Variants in TEX36 observed in about 807,000 individuals in gnomAD.
TEX36 encodes testis-expressed protein 36.
A neutral mutation model predicts 13.6 loss-of-function variants in TEX36; 12 were observed. The observed-to-expected ratio is 0.88, with a 90% CI of 0.56 to 1.43. The LOEUF is 1.43. TEX36 is among the 40% of genes most tolerant of loss of function. The pLI is 0.00. For synonymous variants in TEX36, 93 were observed against 83.0 expected (o/e 1.12, Z -0.65); for missense variants, 224 against 228.3 (o/e 0.98, Z 0.12).
chr10:125,649,172 T>A (rs140589641), intron 3 of TEX36, among the ~76,000 whole-genome samples: 1 of 152,080 alleles, frequency 6.6e-6, no homozygotes, highest in Admixed American at 6.5e-5. Flanking sequence ...AAGATACTCC[T>A]CGAGAAGTGC....
intron 3 of TEX36, among the ~76,000 whole-genome samples, chr10:125,607,331 C>T (rs1565172961): frequency 6.6e-6 from 1 of 152,200 alleles, no homozygotes; most frequent in East Asian, 1.9e-4. Flanking sequence ...ATTTATGAGG[C>T]TGGTTGGTTT....
chr10:125,668,166 G>A (rs2133603409), intron 1 of TEX36, among the ~76,000 whole-genome samples: 1 of 152,252 alleles, frequency 6.6e-6, no homozygotes, highest in Non-Finnish European at 1.5e-5. Flanking sequence ...TCAGTGTGAT[G>A]CTGGTTGGCC....
chr10:125,612,464 G>T (rs1846302877), intron 3 of TEX36, among the ~76,000 whole-genome samples: 1 of 151,984 alleles, frequency 6.6e-6, no homozygotes. Flanking sequence ...CTTTCTATCA[G>T]CCCCCACCTG....
rs528088304 is a variant in TEX36 at position 125,656,447 on chromosome 10, A to G, written c.265-251T>C. ...AAGTTTTTGTATTTTTAGTAGAGAC[A>G]GGGTTTTGCCATGTTGCCCAGGTTG... On this transcript the variant is annotated intron_variant, in intron 3 of 3. Transcript: ENST00000368821. 9.9e-5 allele frequency among the ~76,000 whole-genome samples: 15 copies of G among 151,668 alleles called. No homozygotes were observed. The South Asian group carries it at 2.7e-3, about 28-fold the overall frequency.
At chr10:125,656,303 C>A in intron 3 of TEX36, 107 bp from the exon 4 acceptor site, 1 of 1,114,540 alleles carries the variant, frequency 9.0e-7, no homozygotes, top group South Asian at 2.1e-5. Flanking sequence ...GTCACCCAGG[C>A]CAGAGTTCAG....
At chr10:125,678,531 T>C (rs1486615819) in intron 1 of TEX36, among the ~76,000 whole-genome samples, 1 of 152,110 alleles carries the variant, frequency 6.6e-6, no homozygotes, top group Non-Finnish European at 1.5e-5. Context: ...ATACTAGTAG[T>C]GGCAGCAATG....
At chr10:125,670,139 T>A (rs971720676) in intron 1 of TEX36, among the ~76,000 whole-genome samples, 6 of 152,226 alleles carry the variant, frequency 3.9e-5, no homozygotes, top group African/African-American at 1.4e-4. Context: ...TCAAATGGTA[T>A]TTCTGGTTCT....
intron 3 of TEX36, among the ~76,000 whole-genome samples, chr10:125,611,542 C>A (rs1846289957): frequency 6.6e-6 from 1 of 152,020 alleles, no homozygotes; most frequent in Admixed American, 6.6e-5. Context: ...GTTCTAAGCC[C>A]GTTTTTTATT....
At chr10:125,645,036 C>T (rs766162540) in intron 3 of TEX36, among the ~76,000 whole-genome samples, 7 of 152,142 alleles carry the variant, frequency 4.6e-5, no homozygotes, top group Non-Finnish European at 8.8e-5. Context: ...CTGAATTGTG[C>T]CACAACCACA....
rs531134815 is a variant in TEX36 at position 125,643,540 on chromosome 10, G to A, written c.264+17481C>T. On this transcript the variant is annotated intron_variant, in intron 3 of 3. Coordinates refer to the TEX36 transcript ENST00000526819. ...GGGCGGATCACGAGGTCAGGAGATT[G>A]AGACCATCTGGTTAACAAAGTGAAA... Among the ~76,000 whole-genome samples, 4 of 152,204 alleles carry A rather than the reference G, an allele frequency of 2.6e-5. No homozygotes were observed. In the South Asian group the frequency reaches 8.3e-4, roughly 32 times the overall value.
chr10:125,591,249 C>G lies in TEX36; in HGVS notation c.265-14375G>C, dbSNP rs12571171. 3.7e-3 allele frequency among the ~76,000 whole-genome samples: 561 copies of G among 152,296 alleles called. 28 individuals are homozygous for G. The East Asian group carries it at 0.091, about 25-fold the overall frequency. On this transcript the variant is annotated intron_variant, in intron 3 of 3. Transcript: ENST00000532135. Reference sequence around the variant, plus strand: ...GCCTATCTGGGAAGCATTCAATGAGCGTTTGATGTCATCTATATTATTTTA... The same window carrying G: ...GCCTATCTGGGAAGCATTCAATGAGGGTTTGATGTCATCTATATTATTTTA...
intron 3 of TEX36, among the ~76,000 whole-genome samples, chr10:125,608,699 G>A (rs1846248023): frequency 6.6e-6 from 1 of 152,238 alleles, no homozygotes; most frequent in Non-Finnish European, 1.5e-5. Flanking sequence ...CCAGCACTAG[G>A]GATGCAGAAG....
At chr10:125,661,134 C>T in intron 2 of TEX36, 33 bp from the exon 3 acceptor site, 1 of 1,501,906 alleles carries the variant, frequency 6.7e-7, no homozygotes, top group Non-Finnish European at 9.1e-7. Flanking sequence ...AAAGAGCACA[C>T]ATTAGAACCC....
intron 1 of TEX36, among the ~76,000 whole-genome samples, chr10:125,675,280 A>T (rs1847293937): frequency 6.6e-6 from 1 of 152,152 alleles, no homozygotes; most frequent in Non-Finnish European, 1.5e-5. Flanking sequence ...AGCAGGGTAA[A>T]AATGGCAGAC....
intron 3 of TEX36, among the ~76,000 whole-genome samples, chr10:125,616,029 G>A (rs1449081806): frequency 1.3e-5 from 2 of 152,130 alleles, no homozygotes; most frequent in Non-Finnish European, 2.9e-5. Flanking sequence ...TATGTGTTGA[G>A]GAATTTATCC....
At chr10:125,631,589 A>G (rs1846555039) in intron 3 of TEX36, among the ~76,000 whole-genome samples, 1 of 152,214 alleles carries the variant, frequency 6.6e-6, no homozygotes, top group Non-Finnish European at 1.5e-5. Flanking sequence ...GACCAGGGGC[A>G]GCGTTGGGAT....
intron 1 of TEX36, among the ~76,000 whole-genome samples, chr10:125,682,026 C>T (rs1847403113): frequency 6.6e-6 from 1 of 152,160 alleles, no homozygotes; most frequent in Non-Finnish European, 1.5e-5. Flanking sequence ...CAATTTTTTA[C>T]CTGTTGCTAC....
At chr10:125,650,602 GC>G (rs1846836855) in intron 3 of TEX36, among the ~76,000 whole-genome samples, 1 of 152,038 alleles carries the variant, frequency 6.6e-6, no homozygotes, top group Non-Finnish European at 1.5e-5. Context: ...AGAAGCAAGA[GC>G]AAACACATTA....
chr10:125,619,915 A>G (rs1846408750), downstream of TEX36, among the ~76,000 whole-genome samples: 1 of 151,818 alleles, frequency 6.6e-6, no homozygotes, highest in African/African-American at 2.4e-5. Flanking sequence ...ATATACATCT[A>G]TATATCACCT....
Sources: allele counts gnomAD v4.1 joint callset (sites outside exome capture counted in the v4.1 genomes callset), GRCh38; gene constraint gnomAD v4.1.1; transcripts MANE v1.5; gene names NCBI Gene and HGNC (gene_info 2026-07-23, HGNC 2026-07-21).